DAP3: variants seen among roughly 807,000 people sequenced by gnomAD.
DAP3 encodes the protein small ribosomal subunit protein mS29.
Under a neutral mutation model 51.9 loss-of-function variants are expected in DAP3, and 28 were observed. That is an observed-to-expected ratio of 0.54 (90% CI 0.40 to 0.74). DAP3 has a LOEUF of 0.74. DAP3 is among the 30% of genes least tolerant of loss of function. The pLI is 0.00. For missense variants in DAP3, 458 were observed against 483.5 expected (o/e 0.95, Z 0.49); for synonymous variants, 170 against 170.3 (o/e 1.00, Z 0.01).
intron 1 of DAP3, among the ~76,000 whole-genome samples, chr1:155,691,065 G>A (rs948818547): frequency 7.1e-6 from 1 of 141,630 alleles, no homozygotes; most frequent in African/African-American, 3.2e-5. Context: ...CCGCCACCAC[G>A]TCCAGCTAAT....
At chr1:155,719,008 G>A (rs760988814) in intron 3 of DAP3, among the ~76,000 whole-genome samples, 3 of 152,190 alleles carry the variant, frequency 2.0e-5, no homozygotes, top group East Asian at 1.9e-4. Context: ...CTACATCTAC[G>A]GTTTACTTTG....
At chr1:155,723,695 C>A (rs756522097) in intron 4 of DAP3, among the ~76,000 whole-genome samples, 1 of 152,108 alleles carries the variant, frequency 6.6e-6, no homozygotes, top group African/African-American at 2.4e-5. Context: ...TTTGGAATTG[C>A]CTGTCAAATC....
chr1:155,713,118 G>C (rs1456485746), intron 2 of DAP3, among the ~76,000 whole-genome samples: 2 of 152,158 alleles, frequency 1.3e-5, no homozygotes, highest in African/African-American at 2.4e-5. Flanking sequence ...ACCTTCTTGG[G>C]ATACATCGCA....
At position 155,729,213 on chromosome 1, in the gene DAP3, A is replaced by T. The variant is rs749435379; in HGVS notation, c.690A>T (p.Ile230=). ...TCCACTGTCTCTCCCAATAGGGCAT[A>T]ACACGGGTGAGGAACGCCACAGATG... ...SPLGEVVEQG[I]TRVRNATDAV... Residue 230 remains isoleucine, a synonymous_variant, in exon 9 of 13, where the codon ATA becomes ATT. Coordinates refer to ENST00000368336, the MANE Select transcript of DAP3 (RefSeq NM_004632.4). The T allele has an allele frequency of 6.2e-7, 1 of 1,614,222 alleles. No homozygotes were observed. The highest frequency in any genetic ancestry group is 1.1e-5 in the South Asian group (1 of 91,086).
Position 155,738,914 on chromosome 1 carries a change from G to A in DAP3, c.*672G>A, listed in dbSNP as rs1660049403. The A allele has an allele frequency of 6.6e-6, 1 of 151,956 alleles. No individual in the cohort carries two copies. Among genetic ancestry groups the A allele is most frequent in the Non-Finnish European group, 1.5e-5 (1 of 68,020 alleles). 9.4% of individuals were successfully genotyped at this position (151,956 alleles called of 1,614,324 possible). A position where few individuals can be genotyped will look rare whatever the true frequency, so the allele number is the denominator to read the frequency against. On this transcript the variant is annotated 3_prime_UTR_variant, in exon 13 of 13. Transcript: ENST00000368336. The stretch of plus-strand genomic sequence containing the variant: ...TTCAACTTGGGAGGCGGATGTTGCA[G>A]TGAGCCAAAATTGCACCACTGCACT...
chr1:155,722,089 C>T (rs549420563), intron 4 of DAP3: 4 of 172,338 alleles, frequency 2.3e-5, no homozygotes, highest in Non-Finnish European at 5.0e-5. Context: ...TGGTTTATTT[C>T]GGGAAATTAG....
At chr1:155,704,673 G>A (rs1655722691) in intron 1 of DAP3, among the ~76,000 whole-genome samples, 1 of 152,108 alleles carries the variant, frequency 6.6e-6, no homozygotes, top group Admixed American at 6.6e-5. Flanking sequence ...GTTTAGGAGT[G>A]CTTTGGCGTC....
intron 11 of DAP3, among the ~76,000 whole-genome samples, chr1:155,735,753 C>A (rs1033667189): frequency 2.6e-5 from 4 of 151,744 alleles, no homozygotes; most frequent in Non-Finnish European, 5.9e-5. Context: ...CTCACTGCAA[C>A]CTCCACCTCC....
chr1:155,719,125 C>T (rs1657686200), intron 3 of DAP3, among the ~76,000 whole-genome samples: 1 of 152,114 alleles, frequency 6.6e-6, no homozygotes, highest in Non-Finnish European at 1.5e-5. Context: ...GGCACAGTAG[C>T]TTATGCCTGT....
upstream of DAP3, chr1:155,688,880 C>T (rs764054066): frequency 1.2e-5 from 20 of 1,610,512 alleles, no homozygotes; most frequent in South Asian, 2.2e-4. Context: ...TCTGGCTTGC[C>T]GTTTGACTGG....
intron 3 of DAP3, among the ~76,000 whole-genome samples, chr1:155,718,727 G>A (rs1378713700): frequency 6.6e-6 from 1 of 150,676 alleles, no homozygotes. Context: ...TAGATAGATA[G>A]ATAGATAGAT....
chr1:155,714,605 A>C (rs1657108723), intron 2 of DAP3, among the ~76,000 whole-genome samples: 1 of 151,964 alleles, frequency 6.6e-6, no homozygotes, highest in East Asian at 1.9e-4. Context: ...TCTCCACTAA[A>C]AATACAAAAA....
At chr1:155,711,449 C>T (rs560466937) in intron 2 of DAP3, among the ~76,000 whole-genome samples, 8 of 151,996 alleles carry the variant, frequency 5.3e-5, no homozygotes, top group Non-Finnish European at 1.0e-4. Flanking sequence ...GCCAAGATCA[C>T]GCCACTGCAC....
At chr1:155,734,706 A>G (rs1320563623) in intron 11 of DAP3, among the ~76,000 whole-genome samples, 1 of 151,802 alleles carries the variant, frequency 6.6e-6, no homozygotes, top group African/African-American at 2.4e-5. Context: ...AGATGTACAT[A>G]CATACATGTA....
chr1:155,709,820 A>T lies in DAP3; in HGVS notation c.41A>T (p.His14Leu). ...KGITRLISRI[H>L]KLDPGRFLHM... ...ATAACAAGGCTTATCTCTAGGATCC[A>T]TAAGGTGAGTCCTGACTGACCTGAA... is the stretch of plus-strand genomic sequence containing the variant. Residue 14 changes from histidine (H) to leucine (L), a missense_variant, in exon 2 of 13, where the codon CAT (histidine) becomes CTT (leucine). Transcript: ENST00000368336. 1 of 1,613,400 alleles carries T rather than the reference A, an allele frequency of 6.2e-7. No individual in the cohort carries two copies.
chr1:155,710,089 G>T, intron 2 of DAP3: 1 of 335,912 alleles, frequency 3.0e-6, no homozygotes, highest in East Asian at 4.6e-5. Context: ...ATCCCTTAAT[G>T]AAGTATTTAA....
chr1:155,700,761 G>A (rs376561941), intron 1 of DAP3, among the ~76,000 whole-genome samples: 4 of 142,084 alleles, frequency 2.8e-5, no homozygotes, highest in East Asian at 2.2e-4. Context: ...TCAGCCCTCC[G>A]CCCAGCCAGC....
intron 1 of DAP3, among the ~76,000 whole-genome samples, chr1:155,702,072 C>CA (rs1406660869): frequency 1.5e-5 from 2 of 132,296 alleles, no homozygotes; most frequent in Non-Finnish European, 3.1e-5. Context: ...CATCTACAGC[C>CA]AAAAAACTGA....
At position 155,689,108 on chromosome 1, in the gene DAP3, G is replaced by T; in HGVS notation, c.-74G>T. The stretch of plus-strand genomic sequence containing the variant: ...CCTTTTTTGCAGTCTCAGGACGGGC[G>T]CTTTGGAGCCGGCCCCAGGCAGCGT... On this transcript the variant is annotated 5_prime_UTR_variant, in exon 1 of 13. Transcript: ENST00000368336. The T allele has an allele frequency of 8.0e-7, 1 of 1,242,282 alleles. No homozygotes were observed. Among genetic ancestry groups the T allele is most frequent in the Admixed American group, 2.1e-5 (1 of 46,678 alleles). 77.0% of individuals were successfully genotyped at this position (1,242,282 alleles called of 1,614,324 possible). A position where few individuals can be genotyped will look rare whatever the true frequency, so the allele number is the denominator to read the frequency against.
Sources: gnomAD v4.1 joint callset for allele counts (sites outside exome capture counted in the v4.1 genomes callset) on GRCh38, gnomAD v4.1.1 for gene constraint, MANE v1.5 for transcripts, NCBI Gene and HGNC (gene_info 2026-07-23, HGNC 2026-07-21) for gene names.